The following CMSS1 variants were observed in gnomAD, a reference collection of about 807,000 sequenced individuals.
The protein encoded by CMSS1 is protein CMSS1.
In CMSS1, 33 loss-of-function variants were observed where a neutral mutation model predicts 43.5. The observed-to-expected ratio is 0.76, with a 90% CI of 0.57 to 1.01. CMSS1 has a LOEUF of 1.01. Ranked by LOEUF, CMSS1 falls within the 50% of genes least tolerant of loss-of-function variation. CMSS1 has a pLI of 0.00. For missense variants in CMSS1, 313 were observed against 326.4 expected, an observed-to-expected ratio of 0.96 and a Z score of 0.32; for synonymous variants, 115 against 117.2, an observed-to-expected ratio of 0.98 and a Z score of 0.12.
At chr3:100,038,091 G>C (rs955504848) in intron 1 of CMSS1, among the ~76,000 whole-genome samples, 23 of 151,898 alleles carry the variant, frequency 1.5e-4, no homozygotes, top group African/African-American at 5.3e-4. Context: ...GAGTAGCTGG[G>C]ATTACAGGCA....
Position 99,940,359 on chromosome 3 carries a change from T to C in CMSS1, c.64+122316T>C, listed in dbSNP as rs987895208. Reference sequence around the variant, plus strand: ...TAACAGTTTTCAAACTACATCACTTTCCATATTTCTTCCAACTTCATGCTC... The same window carrying C: ...TAACAGTTTTCAAACTACATCACTTCCCATATTTCTTCCAACTTCATGCTC... On this transcript the variant is annotated intron_variant, in intron 1 of 9. Coordinates refer to ENST00000421999, the MANE Select transcript of CMSS1 (RefSeq NM_032359.4). Among the ~76,000 whole-genome samples, 3 of 152,260 alleles carry C rather than the reference T, an allele frequency of 2.0e-5. No homozygotes were observed. The East Asian group carries it at 5.8e-4, about 29-fold the overall frequency.
intron 1 of CMSS1, among the ~76,000 whole-genome samples, chr3:100,007,136 A>G (rs1247020559): frequency 3.9e-5 from 6 of 152,086 alleles, no homozygotes; most frequent in African/African-American, 1.4e-4. Flanking sequence ...CTATTGGTAA[A>G]TGTTTGAAAT....
At chr3:99,926,438 G>T (rs1707295832) in intron 1 of CMSS1, among the ~76,000 whole-genome samples, 1 of 152,200 alleles carries the variant, frequency 6.6e-6, no homozygotes, top group African/African-American at 2.4e-5. Context: ...AACCACTGCA[G>T]CCCTCTGAAA....
chr3:99,849,437 G>T (rs1943545422), intron 1 of CMSS1: 1 of 1,613,442 alleles, frequency 6.2e-7, no homozygotes, highest in South Asian at 1.1e-5. Context: ...AGTTTTTTTT[G>T]CAGGACTGAG....
At chr3:99,837,215 A>G (rs1942936459) in intron 1 of CMSS1, among the ~76,000 whole-genome samples, 1 of 152,174 alleles carries the variant, frequency 6.6e-6, no homozygotes, top group South Asian at 2.1e-4. Flanking sequence ...ATCCGTACTC[A>G]CTGATTCCCT....
chr3:99,886,752 G>A (rs1355239585), intron 1 of CMSS1, among the ~76,000 whole-genome samples: 12 of 151,744 alleles, frequency 7.9e-5, no homozygotes, highest in African/African-American at 1.2e-4. Flanking sequence ...TTAGGAGTTC[G>A]AGACCAGCTT....
chr3:100,154,608 C>G (rs2066954653), intron 2 of CMSS1, among the ~76,000 whole-genome samples: 1 of 152,184 alleles, frequency 6.6e-6, no homozygotes, highest in African/African-American at 2.4e-5. Context: ...AATGAACATG[C>G]TTGTTTTGTT....
At chr3:99,848,437 G>T (rs1349778939) in intron 1 of CMSS1, 9 of 1,614,064 alleles carry the variant, frequency 5.6e-6, no homozygotes, top group Non-Finnish European at 5.9e-6. Context: ...AGGGCTGGCA[G>T]GTCTCACAGG....
At chr3:99,827,188 CTT>C (rs1475481700) in intron 1 of CMSS1, among the ~76,000 whole-genome samples, 1 of 152,026 alleles carries the variant, frequency 6.6e-6, no homozygotes, top group Admixed American at 6.5e-5. Context: ...TAAAATATAA[CTT>C]TATTTATTGT....
intron 4 of CMSS1, among the ~76,000 whole-genome samples, chr3:100,165,717 C>T (rs979887657): frequency 2.0e-5 from 3 of 152,068 alleles, no homozygotes; most frequent in Non-Finnish European, 4.4e-5. Flanking sequence ...GATGAATATC[C>T]TTGTGTGTGT....
At chr3:99,830,397 C>A in intron 1 of CMSS1, 3 of 411,832 alleles carry the variant, frequency 7.3e-6, no homozygotes, top group South Asian at 1.8e-5. Flanking sequence ...TGTATCCAGG[C>A]AGTGCATTGG....
chr3:99,876,314 C>T (rs901080856), intron 1 of CMSS1: 2 of 563,494 alleles, frequency 3.5e-6, no homozygotes, highest in Admixed American at 6.3e-5. Context: ...AGCCACACAC[C>T]CCAGCTCCCG....
At chr3:100,005,943 C>A (rs569408584) in intron 1 of CMSS1, among the ~76,000 whole-genome samples, 1 of 152,228 alleles carries the variant, frequency 6.6e-6, no homozygotes, top group Admixed American at 6.5e-5. Context: ...TTCATTCCCA[C>A]CTCCGCTATT....
chr3:100,109,022 G>A (rs547211244), intron 1 of CMSS1, among the ~76,000 whole-genome samples: 17 of 151,382 alleles, frequency 1.1e-4, no homozygotes, highest in South Asian at 2.1e-4. Context: ...TTTGACAGTC[G>A]GTATTATACA....
intron 1 of CMSS1, among the ~76,000 whole-genome samples, chr3:99,881,602 G>A (rs1035985738): frequency 6.6e-6 from 1 of 151,432 alleles, no homozygotes; most frequent in African/African-American, 2.4e-5. Context: ...GTGCAAGCTC[G>A]GCTCACTGCA....
chr3:99,882,696 C>T (rs2107604110), intron 1 of CMSS1, among the ~76,000 whole-genome samples: 1 of 152,232 alleles, frequency 6.6e-6, no homozygotes, highest in South Asian at 2.1e-4. Context: ...CTGAATGTTT[C>T]TTTTGGGAAA....
chr3:99,997,240 G>A (rs1432314073), intron 1 of CMSS1, among the ~76,000 whole-genome samples: 8 of 152,070 alleles, frequency 5.3e-5, no homozygotes, highest in African/African-American at 1.9e-4. Context: ...CAAGAAGAAG[G>A]TCCAAATAAA....
chr3:100,116,850 T>A (rs988287306), intron 1 of CMSS1, among the ~76,000 whole-genome samples: 9 of 152,194 alleles, frequency 5.9e-5, no homozygotes, highest in Non-Finnish European at 2.9e-5. Flanking sequence ...TGGCCCTTAG[T>A]CTTTTTGGCC....
chr3:100,142,312 AT>A (rs890638942), intron 1 of CMSS1, among the ~76,000 whole-genome samples: 1 of 152,168 alleles, frequency 6.6e-6, no homozygotes, highest in Non-Finnish European at 1.5e-5. Context: ...TTGAAAAAAA[AT>A]GTGTCTTTAC....
Sources: allele counts gnomAD v4.1 joint callset (sites outside exome capture counted in the v4.1 genomes callset), GRCh38; gene constraint gnomAD v4.1.1; transcripts MANE v1.5; gene names NCBI Gene and HGNC (gene_info 2026-07-23, HGNC 2026-07-21).